SLC24A2: variants seen among roughly 807,000 people sequenced by gnomAD.
The protein encoded by SLC24A2 is sodium/potassium/calcium exchanger 2.
Under a neutral mutation model 62.0 loss-of-function variants are expected in SLC24A2, and 36 were observed. That is an observed-to-expected ratio of 0.58 (90% CI 0.44 to 0.77). SLC24A2 has a LOEUF of 0.77. SLC24A2 is among the 30% of genes least tolerant of loss of function. The pLI is 0.00. For synonymous variants in SLC24A2, 358 were observed against 294.0 expected (o/e 1.22, Z -2.23); for missense variants, 846 against 817.9 (o/e 1.03, Z -0.42).
chr9:20,194,406 T>C, the SLC24A2 span, among the ~76,000 whole-genome samples: 1 of 152,124 alleles, frequency 6.6e-6, no homozygotes, highest in Non-Finnish European at 1.5e-5. Context: ...AAGATTACTG[T>C]ACACATTCAG....
chr9:20,160,477 A>T, the SLC24A2 span, among the ~76,000 whole-genome samples: 3 of 151,524 alleles, frequency 2.0e-5, no homozygotes, highest in Middle Eastern at 3.4e-3. Context: ...CTTATAATAG[A>T]AAATATACCT....
the SLC24A2 span, among the ~76,000 whole-genome samples, chr9:20,026,794 G>A: frequency 6.6e-6 from 1 of 152,090 alleles, no homozygotes; most frequent in Non-Finnish European, 1.5e-5. Flanking sequence ...GACCTTAAAA[G>A]CACAGGCAAC....
the SLC24A2 span, among the ~76,000 whole-genome samples, chr9:20,164,430 T>A: frequency 6.6e-6 from 1 of 152,090 alleles, no homozygotes; most frequent in African/African-American, 2.4e-5. Flanking sequence ...AAAACCACGA[T>A]GAGATACCAT....
Position 19,605,686 on chromosome 9 carries a change from C to T in SLC24A2, c.1079-8407G>A, listed in dbSNP as rs555486336. On this transcript the variant is annotated intron_variant, in intron 4 of 10. Transcript: ENST00000341998. The stretch of plus-strand genomic sequence containing the variant: ...AAATTTTGATGGCTGCAAGAAAAAA[C>T]GAACAACTGACAGCAACTTATTGGG... 7.2e-5 allele frequency among the ~76,000 whole-genome samples: 11 copies of T among 152,234 alleles called. No individual in the cohort carries two copies. In the South Asian group the frequency reaches 1.0e-3, roughly 14 times the overall value.
chr9:20,206,925 GAAGTCCTAAGGCCA>G, the SLC24A2 span, among the ~76,000 whole-genome samples: 1 of 148,820 alleles, frequency 6.7e-6, no homozygotes, highest in Non-Finnish European at 1.5e-5. Context: ...AATGAATAAA[GAAGTCCTAAGGCCA>G]AAGTATTTGA....
intron 2 of SLC24A2, among the ~76,000 whole-genome samples, chr9:19,709,434 C>T (rs201250260): frequency 6.6e-5 from 10 of 152,038 alleles, no homozygotes; most frequent in African/African-American, 2.4e-4. Flanking sequence ...TAAATCATGC[C>T]GTTATAAAGA....
chr9:19,929,600 A>C, the SLC24A2 span: 3 of 152,220 alleles, frequency 2.0e-5, no homozygotes, highest in Non-Finnish European at 4.4e-5. Context: ...CTTGATAATA[A>C]TAAATGACGA....
At chr9:19,659,303 C>T (rs1408353983) in intron 2 of SLC24A2, among the ~76,000 whole-genome samples, 1 of 152,232 alleles carries the variant, frequency 6.6e-6, no homozygotes, top group East Asian at 1.9e-4. Context: ...GTAGCATCAC[C>T]CTTCCAGCAC....
At chr9:20,141,988 CAGG>C in the SLC24A2 span, among the ~76,000 whole-genome samples, 1 of 152,048 alleles carries the variant, frequency 6.6e-6, no homozygotes, top group Non-Finnish European at 1.5e-5. Flanking sequence ...GAGGCTGAGG[CAGG>C]AGAACTATTG....
At chr9:20,199,243 C>T in the SLC24A2 span, among the ~76,000 whole-genome samples, 5 of 152,166 alleles carry the variant, frequency 3.3e-5, no homozygotes, top group Non-Finnish European at 5.9e-5. Context: ...ATCTGTGAAA[C>T]TCAGGCGGGA....
chr9:20,280,571 G>T, the SLC24A2 span, among the ~76,000 whole-genome samples: 10 of 152,166 alleles, frequency 6.6e-5, no homozygotes, highest in Non-Finnish European at 1.2e-4. Flanking sequence ...TCTGGTACTG[G>T]AGCCACATCA....
the SLC24A2 span, among the ~76,000 whole-genome samples, chr9:19,982,665 A>G: frequency 6.6e-6 from 1 of 152,144 alleles, no homozygotes; most frequent in East Asian, 1.9e-4. Flanking sequence ...AGAAGAGGAA[A>G]CACTTCCTAA....
chr9:20,082,159 T>C, the SLC24A2 span, among the ~76,000 whole-genome samples: 2 of 152,228 alleles, frequency 1.3e-5, no homozygotes, highest in Admixed American at 6.5e-5. Context: ...ATTTGGTGAT[T>C]ACTTGACATT....
At chr9:20,118,814 C>A in the SLC24A2 span, among the ~76,000 whole-genome samples, 1 of 152,078 alleles carries the variant, frequency 6.6e-6, no homozygotes, top group African/African-American at 2.4e-5. Flanking sequence ...AGTCTTGCCT[C>A]CTTGTGTTCA....
At chr9:19,601,253 A>G (rs571378446) in intron 4 of SLC24A2, among the ~76,000 whole-genome samples, 13 of 152,320 alleles carry the variant, frequency 8.5e-5, no homozygotes, top group Non-Finnish European at 1.6e-4. Context: ...TGCTCTGTAA[A>G]ACACACCAAT....
chr9:20,028,126 A>C, the SLC24A2 span, among the ~76,000 whole-genome samples: 1 of 152,180 alleles, frequency 6.6e-6, no homozygotes, highest in Non-Finnish European at 1.5e-5. Flanking sequence ...TTGCTTAAGG[A>C]AGCAGAAAAG....
the SLC24A2 span, among the ~76,000 whole-genome samples, chr9:20,112,785 A>G: frequency 1.3e-5 from 2 of 151,858 alleles, no homozygotes; most frequent in South Asian, 2.1e-4. Context: ...TTAGTGTGTC[A>G]ATCTTGAACA....
At chr9:20,248,445 A>G in the SLC24A2 span, among the ~76,000 whole-genome samples, 1 of 152,184 alleles carries the variant, frequency 6.6e-6, no homozygotes, top group Admixed American at 6.5e-5. Context: ...GCGCCAACAG[A>G]TCTAGTTTAT....
chr9:19,560,823 T>C (rs934077339), intron 7 of SLC24A2, among the ~76,000 whole-genome samples: 1 of 152,168 alleles, frequency 6.6e-6, no homozygotes, highest in Non-Finnish European at 1.5e-5. Context: ...TCATTCTTTA[T>C]TGAGCCATAG....
Sources: gnomAD v4.1 joint callset for allele counts (sites outside exome capture counted in the v4.1 genomes callset) on GRCh38, gnomAD v4.1.1 for gene constraint, MANE v1.5 for transcripts, NCBI Gene and HGNC (gene_info 2026-07-23, HGNC 2026-07-21) for gene names.